Variants in LRP1B observed in about 807,000 individuals in gnomAD.
LRP1B encodes low-density lipoprotein receptor-related protein 1B.
In LRP1B, 217 loss-of-function variants were observed where a neutral mutation model predicts 556.6. That is an observed-to-expected ratio of 0.39 (90% CI 0.35 to 0.44). The LOEUF (loss-of-function observed/expected upper bound fraction) is 0.44. Ranked by LOEUF, LRP1B falls within the 20% of genes least tolerant of loss-of-function variation. LRP1B has a pLI of 1.00. For missense variants in LRP1B, 5,053 were observed against 5,620.8 expected (o/e 0.90, Z 3.23); for synonymous variants, 2,047 against 1,865.8 (o/e 1.10, Z -2.50).
At chr2:141,202,065 G>C (rs531160457) in intron 6 of LRP1B, among the ~76,000 whole-genome samples, 1 of 152,244 alleles carries the variant, frequency 6.6e-6, no homozygotes, top group Non-Finnish European at 1.5e-5. Flanking sequence ...CCATCACCTA[G>C]ATATTAAGCC....
intron 83 of LRP1B, among the ~76,000 whole-genome samples, chr2:140,314,538 T>A (rs900283930): frequency 3.3e-5 from 5 of 152,120 alleles, no homozygotes; most frequent in African/African-American, 4.8e-5. Flanking sequence ...ACAGTTTATT[T>A]ACATTTAAAA....
chr2:140,444,123 A>G (rs1263273584), intron 65 of LRP1B, among the ~76,000 whole-genome samples: 1 of 152,170 alleles, frequency 6.6e-6, no homozygotes, highest in African/African-American at 2.4e-5. Context: ...TTACAGGTAG[A>G]TTTTAAAGTA....
intron 3 of LRP1B, among the ~76,000 whole-genome samples, chr2:141,404,819 G>A (rs1690574412): frequency 6.6e-6 from 1 of 151,938 alleles, no homozygotes; most frequent in African/African-American, 2.4e-5. Context: ...CATAAAACCT[G>A]TGAGAAATGG....
At chr2:141,476,965 A>G (rs967444746) in intron 3 of LRP1B, among the ~76,000 whole-genome samples, 2 of 152,112 alleles carry the variant, frequency 1.3e-5, no homozygotes, top group Non-Finnish European at 2.9e-5. Context: ...TTCTACCAAA[A>G]GTACAAAATT....
chr2:141,228,846 T>C (rs1245446146), intron 6 of LRP1B, among the ~76,000 whole-genome samples: 3 of 152,162 alleles, frequency 2.0e-5, no homozygotes, highest in Admixed American at 6.6e-5. Flanking sequence ...TTATCAACTC[T>C]GTCTGCTTTT....
intron 5 of LRP1B, 43 bp downstream of exon 5, chr2:141,247,183 C>T (rs1364073515): frequency 1.2e-6 from 2 of 1,609,408 alleles, no homozygotes; most frequent in South Asian, 2.2e-5. Flanking sequence ...AAAAAGGAAA[C>T]AAGTAATTCT....
chr2:141,455,342 A>C (rs1411051268), intron 3 of LRP1B, among the ~76,000 whole-genome samples: 1 of 151,860 alleles, frequency 6.6e-6, no homozygotes, highest in African/African-American at 2.4e-5. Context: ...TCTCCTGTTT[A>C]ATGGATGAAT....
Position 140,541,921 on chromosome 2 carries a change from G to A in LRP1B, c.7245C>T (p.Asp2415=), listed in dbSNP as rs746010418. 6 of 1,610,930 alleles carry A rather than the reference G, an allele frequency of 3.7e-6. No homozygotes were observed. The East Asian group carries it at 6.7e-5, about 18-fold the overall frequency. ...CCCAGTCCGACCAGAATATATAATT[G>A]TCATAAACAGCCAAACTGAGGAAAG... The part of the protein sequence containing the change: ...PGTFLSLAVY[D]NYIFWSDWGR... The change falls in exon 44 of 91, where the codon GAC becomes GAT. Residue 2415 remains aspartate (D), a synonymous_variant. Transcript: ENST00000389484.
intron 3 of LRP1B, among the ~76,000 whole-genome samples, chr2:141,407,707 A>G (rs1690693545): frequency 6.6e-6 from 1 of 152,192 alleles, no homozygotes; most frequent in East Asian, 1.9e-4. Context: ...AGGCTTCACC[A>G]GAAACCAAGC....
At chr2:141,367,757 G>T (rs1187461706) in intron 3 of LRP1B, among the ~76,000 whole-genome samples, 1 of 151,750 alleles carries the variant, frequency 6.6e-6, no homozygotes, top group Admixed American at 6.6e-5. Context: ...GCTGTGCTAG[G>T]ATTACAAGCA....
chr2:141,055,308 G>A (rs2105456422), intron 9 of LRP1B, 49 bp from the exon 10 acceptor site: 2 of 1,577,432 alleles, frequency 1.3e-6, no homozygotes, highest in Non-Finnish European at 1.7e-6. Flanking sequence ...TCAAAGATAA[G>A]ATAACTATGT....
chr2:141,106,535 G>GAAAAAAA (rs1553460732), intron 7 of LRP1B, among the ~76,000 whole-genome samples: 1 of 147,224 alleles, frequency 6.8e-6, no homozygotes, highest in Admixed American at 6.8e-5. Flanking sequence ...GAATTCAGAA[G>GAAAAAAA]TAAATAGACA....
chr2:140,322,162 AG>A (rs1447922499), intron 81 of LRP1B, 74 bp from the exon 82 acceptor site: 1 of 1,383,488 alleles, frequency 7.2e-7, no homozygotes. Flanking sequence ...AAATTAAATA[AG>A]GCGAAATGAT....
Position 140,331,503 on chromosome 2 carries a change from C to T in LRP1B, c.12223+2950G>A, listed in dbSNP as rs184684821. On this transcript the variant is annotated intron_variant, in intron 79 of 90. Transcript: ENST00000389484. ...ATTGGCTAAAAAGTTATGTTGAAGC[C>T]CTTTGGCATTTAAGGTGTTCTCTTC... Among the ~76,000 whole-genome samples, 136 of 151,804 alleles carry T rather than the reference C, an allele frequency of 9.0e-4. 1 individual carries two copies. Among genetic ancestry groups the T allele is most frequent in the African/African-American group, 3.2e-3 (132 of 41,438 alleles).
At chr2:140,859,568 G>A (rs1692725634) in intron 27 of LRP1B, among the ~76,000 whole-genome samples, 1 of 152,034 alleles carries the variant, frequency 6.6e-6, no homozygotes, top group Non-Finnish European at 1.5e-5. Context: ...ATAATGGACA[G>A]TGGGATTTTA....
intron 1 of LRP1B, among the ~76,000 whole-genome samples, chr2:142,043,103 CTA>C (rs1461940850): frequency 1.3e-5 from 2 of 151,562 alleles, no homozygotes; most frequent in African/African-American, 4.8e-5. Context: ...CTGTCAAAAA[CTA>C]TATCTTGAAT....
intron 60 of LRP1B, among the ~76,000 whole-genome samples, chr2:140,458,868 A>G (rs1687207543): frequency 6.6e-6 from 1 of 152,008 alleles, no homozygotes; most frequent in African/African-American, 2.4e-5. Context: ...ATGTTATCAG[A>G]TAATTCACTA....
intron 37 of LRP1B, among the ~76,000 whole-genome samples, chr2:140,714,927 T>C (rs935393137): frequency 6.6e-6 from 1 of 152,078 alleles, no homozygotes; most frequent in Non-Finnish European, 1.5e-5. Flanking sequence ...ATAAAAATAC[T>C]AGGTGCTTAT....
intron 2 of LRP1B, among the ~76,000 whole-genome samples, chr2:141,494,951 A>C (rs1683463254): frequency 6.6e-6 from 1 of 151,896 alleles, no homozygotes; most frequent in South Asian, 2.1e-4. Context: ...TCTGTTATTG[A>C]GATACTACAG....
Sources: allele counts gnomAD v4.1 joint callset (sites outside exome capture counted in the v4.1 genomes callset), GRCh38; gene constraint gnomAD v4.1.1; transcripts MANE v1.5; gene names NCBI Gene and HGNC (gene_info 2026-07-23, HGNC 2026-07-21).